The following LYRM4 variants were observed in gnomAD, a reference collection of about 807,000 sequenced individuals.
LYRM4 encodes LYR motif-containing protein 4.
A neutral mutation model predicts 11.7 loss-of-function variants in LYRM4; 9 were observed. The ratio of observed to expected loss-of-function variants is 0.77; its 90% CI spans 0.46 to 1.34. LYRM4 has a LOEUF of 1.34. Ranked by LOEUF, LYRM4 falls within the 40% of genes most tolerant of loss-of-function variation. The pLI is 0.00. For synonymous variants in LYRM4, 42 were observed against 40.4 expected (o/e 1.04, Z -0.15); for missense variants, 133 against 112.5 (o/e 1.18, Z -0.82).
intron 2 of LYRM4, among the ~76,000 whole-genome samples, chr6:5,201,052 G>A (rs984851495): frequency 3.3e-5 from 5 of 152,210 alleles, no homozygotes; most frequent in Admixed American, 2.6e-4. Context: ...GTGAATCATG[G>A]TTGTTTTGAG....
intron 2 of LYRM4, among the ~76,000 whole-genome samples, chr6:5,197,638 C>A (rs761083454): frequency 8.5e-5 from 13 of 152,142 alleles, no homozygotes; most frequent in Non-Finnish European, 1.9e-4. Flanking sequence ...CATGCCACTG[C>A]ACTCCAACTT....
chr6:5,031,991 T>C, the LYRM4 span: 2 of 152,210 alleles, frequency 1.3e-5, no homozygotes, highest in South Asian at 4.1e-4. Flanking sequence ...ATTTCAACTT[T>C]CTTTTCCTAC....
chr6:5,207,061 C>T (rs1761741674), intron 2 of LYRM4, among the ~76,000 whole-genome samples: 1 of 152,178 alleles, frequency 6.6e-6, no homozygotes, highest in African/African-American at 2.4e-5. Context: ...AATACCACGA[C>T]CAAGGATAGA....
chr6:5,100,374 C>T (rs942945954), downstream of LYRM4, among the ~76,000 whole-genome samples: 4 of 152,112 alleles, frequency 2.6e-5, no homozygotes, highest in Admixed American at 2.6e-4. Flanking sequence ...AGGTTGCATA[C>T]GTCTCTCCTT....
At chr6:5,060,758 C>G in the LYRM4 span, among the ~76,000 whole-genome samples, 1 of 152,120 alleles carries the variant, frequency 6.6e-6, no homozygotes, top group Non-Finnish European at 1.5e-5. Context: ...GAACTCCTGA[C>G]CTCAGATGAT....
chr6:5,199,194 T>G (rs1218610649), intron 2 of LYRM4, among the ~76,000 whole-genome samples: 1 of 152,238 alleles, frequency 6.6e-6, no homozygotes, highest in Non-Finnish European at 1.5e-5. Flanking sequence ...ATGTAGTATA[T>G]CCATATAATG....
intron 2 of LYRM4, among the ~76,000 whole-genome samples, chr6:5,209,262 T>A (rs181965795): frequency 3.4e-4 from 52 of 152,084 alleles, no homozygotes; most frequent in Middle Eastern, 3.4e-3. Flanking sequence ...CCTGGCTAAT[T>A]TTTTTTGTAT....
At chr6:5,174,449 C>T (rs1279461511) in intron 2 of LYRM4, among the ~76,000 whole-genome samples, 3 of 152,066 alleles carry the variant, frequency 2.0e-5, no homozygotes, top group African/African-American at 7.2e-5. Flanking sequence ...GAGAGACAGA[C>T]GGATGCACAA....
intron 2 of LYRM4, among the ~76,000 whole-genome samples, chr6:5,189,643 T>A (rs951522426): frequency 6.6e-6 from 1 of 152,256 alleles, no homozygotes; most frequent in Non-Finnish European, 1.5e-5. Flanking sequence ...TAAGAGCTAC[T>A]AATAACTCCA....
intron 2 of LYRM4, among the ~76,000 whole-genome samples, chr6:5,153,272 G>A (rs918586752): frequency 2.6e-5 from 4 of 152,054 alleles, no homozygotes; most frequent in Non-Finnish European, 4.4e-5. Flanking sequence ...TTATATTTTA[G>A]GAGAGATGGT....
chr6:5,117,169 G>A (rs1763156441), intron 2 of LYRM4, among the ~76,000 whole-genome samples: 1 of 152,236 alleles, frequency 6.6e-6, no homozygotes, highest in African/African-American at 2.4e-5. Context: ...AACGCTACTG[G>A]GAGGATTAAA....
the LYRM4 span, among the ~76,000 whole-genome samples, chr6:5,047,460 T>G: frequency 1.3e-5 from 2 of 152,362 alleles, no homozygotes; most frequent in African/African-American, 4.8e-5. Context: ...GTGATTTCCA[T>G]CCTGATGAGG....
chr6:5,225,625 A>G (rs1244422555), intron 1 of LYRM4, among the ~76,000 whole-genome samples: 1 of 152,230 alleles, frequency 6.6e-6, no homozygotes. Flanking sequence ...ATGGATGTTT[A>G]GGTTGTCTCC....
chr6:5,119,273 T>C (rs1476952376), intron 2 of LYRM4, among the ~76,000 whole-genome samples: 2 of 152,150 alleles, frequency 1.3e-5, no homozygotes, highest in East Asian at 3.9e-4. Flanking sequence ...TGTTTCGTCT[T>C]TGCTTGTTGG....
At chr6:5,181,401 T>G (rs1760065482) in intron 2 of LYRM4, among the ~76,000 whole-genome samples, 1 of 152,222 alleles carries the variant, frequency 6.6e-6, no homozygotes, top group African/African-American at 2.4e-5. Flanking sequence ...GTCAATGATT[T>G]CTTTTGCATT....
At chr6:5,101,073 C>T (rs1240623073), downstream of LYRM4, among the ~76,000 whole-genome samples, 1 of 152,330 alleles carries the variant, frequency 6.6e-6, no homozygotes, top group East Asian at 1.9e-4. Flanking sequence ...CTCCACTGCA[C>T]ATCGCTGCCG....
At chr6:5,212,827 A>G (rs1157554264) in intron 2 of LYRM4, among the ~76,000 whole-genome samples, 1 of 152,226 alleles carries the variant, frequency 6.6e-6, no homozygotes, top group Non-Finnish European at 1.5e-5. Context: ...GAACAAGTGT[A>G]TGTCTGGCTT....
intron 1 of LYRM4, among the ~76,000 whole-genome samples, chr6:5,250,172 T>G (rs1237905847): frequency 6.6e-6 from 1 of 152,038 alleles, no homozygotes; most frequent in Non-Finnish European, 1.5e-5. Flanking sequence ...CCCTCATTAT[T>G]TTTTAATTAT....
intron 1 of LYRM4, chr6:5,218,182 C>A (rs147297283): frequency 1.1e-6 from 1 of 888,666 alleles, no homozygotes; most frequent in Non-Finnish European, 1.3e-6. Flanking sequence ...GCTAGGATTA[C>A]AAGCACACAC....
Sources: allele counts gnomAD v4.1 joint callset (sites outside exome capture counted in the v4.1 genomes callset), GRCh38; gene constraint gnomAD v4.1.1; transcripts MANE v1.5; gene names NCBI Gene and HGNC (gene_info 2026-07-23, HGNC 2026-07-21).